Variants in TEAD1 observed in about 807,000 individuals in gnomAD.
The protein encoded by TEAD1 is TEA domain transcription factor 1, also known as transcriptional enhancer factor TEF-1.
A neutral mutation model predicts 54.9 loss-of-function variants in TEAD1; 9 were observed. The observed-to-expected ratio is 0.16, with a 90% CI of 0.10 to 0.29. The LOEUF (loss-of-function observed/expected upper bound fraction) is 0.29, where lower values mean the gene tolerates loss of function less well. Ranked by LOEUF, TEAD1 falls within the 10% of genes least tolerant of loss-of-function variation. TEAD1 has a pLI of 1.00. For synonymous variants in TEAD1, 200 were observed against 187.8 expected (o/e 1.07, Z -0.53); for missense variants, 387 against 535.9 (o/e 0.72, Z 2.74).
intron 2 of TEAD1, among the ~76,000 whole-genome samples, chr11:12,734,969 AGAT>A (rs1029379101): frequency 1.3e-5 from 2 of 152,238 alleles, no homozygotes; most frequent in African/African-American, 4.8e-5. Context: ...GAAAGATCTA[AGAT>A]GATATTAAAT....
At chr11:12,783,236 T>C (rs1945601483) in intron 3 of TEAD1, among the ~76,000 whole-genome samples, 2 of 149,734 alleles carry the variant, frequency 1.3e-5, no homozygotes, top group Non-Finnish European at 3.0e-5. Flanking sequence ...GGGGAACTTA[T>C]CTTCCCACAG....
At chr11:12,817,811 T>G (rs539118194) in intron 3 of TEAD1, among the ~76,000 whole-genome samples, 1 of 152,330 alleles carries the variant, frequency 6.6e-6, no homozygotes, top group Admixed American at 6.5e-5. Flanking sequence ...CTTGAAAGTT[T>G]GAAGCGCAAC....
chr11:12,840,465 G>T (rs1273453889), intron 3 of TEAD1, among the ~76,000 whole-genome samples: 1 of 152,022 alleles, frequency 6.6e-6, no homozygotes, highest in Non-Finnish European at 1.5e-5. Flanking sequence ...ATTGTAAAGA[G>T]GTCAGTCCAA....
intron 9 of TEAD1, among the ~76,000 whole-genome samples, chr11:12,891,452 T>TA (rs1328927856): frequency 6.6e-6 from 1 of 152,096 alleles, no homozygotes; most frequent in East Asian, 1.9e-4. Flanking sequence ...GGAGAGATGT[T>TA]ATGGAGATAA....
chr11:12,875,406 T>C (rs1478082627), intron 5 of TEAD1, among the ~76,000 whole-genome samples: 1 of 152,218 alleles, frequency 6.6e-6, no homozygotes, highest in Admixed American at 6.5e-5. Flanking sequence ...GTCCTTCCAT[T>C]GAAATCTCTT....
intron 2 of TEAD1, among the ~76,000 whole-genome samples, chr11:12,691,607 C>A (rs1414995087): frequency 6.6e-6 from 1 of 152,074 alleles, no homozygotes; most frequent in East Asian, 1.9e-4. Flanking sequence ...TCCTTTCCTC[C>A]CTTAAGAAAA....
chr11:12,802,749 G>A (rs1406100606), intron 3 of TEAD1, among the ~76,000 whole-genome samples: 1 of 152,196 alleles, frequency 6.6e-6, no homozygotes, highest in African/African-American at 2.4e-5. Context: ...TGTGCCGATT[G>A]CGCAAGGCTG....
chr11:12,694,258 G>C (rs1401984547), intron 2 of TEAD1, among the ~76,000 whole-genome samples: 1 of 152,064 alleles, frequency 6.6e-6, no homozygotes, highest in Non-Finnish European at 1.5e-5. Context: ...TCGACTCTTT[G>C]TTTGTTCTTC....
intron 5 of TEAD1, among the ~76,000 whole-genome samples, chr11:12,873,042 A>G (rs907777892): frequency 2.6e-5 from 4 of 152,238 alleles, no homozygotes; most frequent in Admixed American, 2.0e-4. Context: ...CCACAAGCCA[A>G]GCTCTTTGCA....
intron 12 of TEAD1, among the ~76,000 whole-genome samples, chr11:12,934,541 T>TA (rs895040427): frequency 1.4e-5 from 2 of 140,732 alleles, no homozygotes; most frequent in African/African-American, 2.7e-5. Flanking sequence ...TAAAGTATAA[T>TA]AAAAAATAAA....
chr11:12,856,124 T>A (rs1021785154), intron 3 of TEAD1, among the ~76,000 whole-genome samples: 1 of 123,370 alleles, frequency 8.1e-6, no homozygotes, highest in Non-Finnish European at 1.7e-5. Flanking sequence ...CTGGGTTATC[T>A]TCTTCCTTTT....
At chr11:12,920,095 C>T (rs1948777086) in intron 10 of TEAD1, among the ~76,000 whole-genome samples, 2 of 152,090 alleles carry the variant, frequency 1.3e-5, no homozygotes, top group Admixed American at 6.5e-5. Flanking sequence ...GGAATTTTTA[C>T]GTTTACAATT....
intron 2 of TEAD1, among the ~76,000 whole-genome samples, chr11:12,706,725 G>A (rs1564913083): frequency 6.6e-6 from 1 of 152,142 alleles, no homozygotes; most frequent in South Asian, 2.1e-4. Flanking sequence ...AGATCCTCTG[G>A]TGTGGCCGGG....
intron 2 of TEAD1, among the ~76,000 whole-genome samples, chr11:12,688,112 C>G (rs1227072422): frequency 6.6e-6 from 1 of 152,172 alleles, no homozygotes; most frequent in Admixed American, 6.5e-5. Flanking sequence ...ACCTTGACTT[C>G]ACTTTTTGAG....
At chr11:12,699,352 T>G (rs1162452446) in intron 2 of TEAD1, among the ~76,000 whole-genome samples, 1 of 152,220 alleles carries the variant, frequency 6.6e-6, no homozygotes, top group Non-Finnish European at 1.5e-5. Context: ...TAATGAATTG[T>G]AGAAACCGCT....
chr11:12,879,822 A>G lies in TEAD1; in HGVS notation c.445A>G (p.Thr149Ala). The G allele has an allele frequency of 6.2e-7, 1 of 1,613,748 alleles. No homozygotes were observed. Among genetic ancestry groups the G allele is most frequent in the South Asian group, 1.1e-5 (1 of 91,066 alleles). Residue 149 changes from threonine to alanine, a missense_variant, in exon 6 of 13, where the codon ACC becomes GCC. Thr to Ala is a moderately conservative substitution (Grantham distance 58). Transcript: ENST00000527636. ...GGGGCTGCCTGGGATTCCACGCCCG[A>G]CCTTCCCAGGGGCGCCGGGGGTAAG...
At chr11:12,774,197 T>A (rs190687029) in intron 3 of TEAD1, among the ~76,000 whole-genome samples, 1 of 152,112 alleles carries the variant, frequency 6.6e-6, no homozygotes, top group Admixed American at 6.5e-5. Context: ...AGATTAGAGA[T>A]GGAAAGATTT....
intron 10 of TEAD1, among the ~76,000 whole-genome samples, chr11:12,913,314 G>C (rs1192016423): frequency 6.6e-6 from 1 of 152,134 alleles, no homozygotes; most frequent in Admixed American, 6.5e-5. Context: ...GTTATGAATA[G>C]TTTGAGCAGT....
rs569932993 is a variant in TEAD1 at position 12,740,207 on chromosome 11, C to T, written c.-54-23972C>T. Among the ~76,000 whole-genome samples, 53 of 152,202 alleles carry T rather than the reference C, an allele frequency of 3.5e-4. 1 individual carries two copies. Among genetic ancestry groups the T allele is most frequent in the African/African-American group, 6.7e-4 (28 of 41,518 alleles). Reference sequence around the variant, plus strand: ...GTGATGAGGCAATTTATTTTCTTACCGTGCCTTAGTTTCCTCATCTCTAAA... The same window carrying T: ...GTGATGAGGCAATTTATTTTCTTACTGTGCCTTAGTTTCCTCATCTCTAAA... On this transcript the variant is annotated intron_variant, in intron 2 of 12. Transcript: ENST00000527636.
Sources: allele counts gnomAD v4.1 joint callset (sites outside exome capture counted in the v4.1 genomes callset), GRCh38; gene constraint gnomAD v4.1.1; transcripts MANE v1.5; gene names NCBI Gene and HGNC (gene_info 2026-07-23, HGNC 2026-07-21).